SOX5: variants seen among roughly 807,000 people sequenced by gnomAD.
SOX5 encodes transcription factor SOX-5.
Under a neutral mutation model 92.0 loss-of-function variants are expected in SOX5, and 9 were observed. The ratio of observed to expected loss-of-function variants is 0.10; its 90% CI spans 0.06 to 0.17. The LOEUF (loss-of-function observed/expected upper bound fraction) is 0.17, where lower values mean the gene tolerates loss of function less well. Among genes scored for constraint, SOX5 ranks in the 10% least tolerant of loss-of-function variants. SOX5 has a pLI of 1.00. For synonymous variants in SOX5, 344 were observed against 336.3 expected, an observed-to-expected ratio of 1.02 and a Z score of -0.25; for missense variants, 642 against 944.5, an observed-to-expected ratio of 0.68 and a Z score of 4.20.
intron 4 of SOX5, among the ~76,000 whole-genome samples, chr12:24,191,030 A>C (rs765675780): frequency 1.3e-5 from 2 of 152,180 alleles, no homozygotes; most frequent in African/African-American, 2.4e-5. Context: ...GGGTCTTGCT[A>C]TATCACCATG....
chr12:24,006,807 T>C (rs1350260664), intron 4 of SOX5, among the ~76,000 whole-genome samples: 2 of 152,146 alleles, frequency 1.3e-5, no homozygotes, highest in South Asian at 2.1e-4. Flanking sequence ...CCTCCTCAAA[T>C]AGCCCCAAAT....
intron 2 of SOX5, among the ~76,000 whole-genome samples, chr12:23,855,105 T>A (rs965504257): frequency 6.6e-6 from 1 of 151,826 alleles, no homozygotes; most frequent in Admixed American, 6.6e-5. Context: ...AAAAACATAT[T>A]AGGAGGAGAA....
In SOX5 at chr12:24,353,789, C is replaced by T. The variant is rs368177591; in HGVS notation, c.-174+14774G>A. Among the ~76,000 whole-genome samples the T allele has an allele frequency of 6.3e-4, 96 of 151,956 alleles. No individual in the cohort carries two copies. In the East Asian group the frequency reaches 0.013, roughly 20 times the overall value. On this transcript the variant is annotated intron_variant, in intron 2 of 4. Transcript: ENST00000446891. ...CTGAATAGCTGGGATTACAGGCGCC[C>T]GCCACCACGCCCAGCTAATTTTTGT...
intron 2 of SOX5, among the ~76,000 whole-genome samples, chr12:23,895,555 AT>A: frequency 6.6e-6 from 1 of 152,264 alleles, no homozygotes; most frequent in African/African-American, 2.4e-5. Flanking sequence ...TTCCCCTCTA[AT>A]TAAATTGTAA....
At chr12:23,704,654 C>G (rs994440186) in intron 6 of SOX5, among the ~76,000 whole-genome samples, 50 of 136,630 alleles carry the variant, frequency 3.7e-4, no homozygotes, top group African/African-American at 1.3e-3. Flanking sequence ...ATTGATGACA[C>G]CAAGTATTTA....
intron 3 of SOX5, among the ~76,000 whole-genome samples, chr12:23,802,951 CCCAACATTCT>C (rs1232492565): frequency 6.6e-6 from 1 of 152,156 alleles, no homozygotes; most frequent in Non-Finnish European, 1.5e-5. Context: ...GCCCCTCTTC[CCCAACATTCT>C]CCAACATTCC....
chr12:24,040,875 G>A (rs1255149722), intron 4 of SOX5, among the ~76,000 whole-genome samples: 2 of 151,156 alleles, frequency 1.3e-5, no homozygotes, highest in Admixed American at 1.3e-4. Context: ...GCTGTCTCAA[G>A]GAAAAAACAA....
intron 3 of SOX5, among the ~76,000 whole-genome samples, chr12:24,239,286 C>CA (rs1565726326): frequency 6.6e-6 from 1 of 151,816 alleles, no homozygotes; most frequent in African/African-American, 2.4e-5. Flanking sequence ...CTCCCTGAAT[C>CA]AAAAAAAGAA....
At chr12:24,387,775 ATCT>A (rs1416095007) in intron 1 of SOX5, among the ~76,000 whole-genome samples, 1 of 152,240 alleles carries the variant, frequency 6.6e-6, no homozygotes, top group African/African-American at 2.4e-5. Flanking sequence ...CAAATCCTAC[ATCT>A]TCTTTGATGA....
chr12:23,738,849 T>C (rs1049660301), intron 5 of SOX5, among the ~76,000 whole-genome samples: 9 of 152,204 alleles, frequency 5.9e-5, no homozygotes, highest in Non-Finnish European at 1.2e-4. Flanking sequence ...TGTTTTATAC[T>C]GTTACAGGCA....
intron 3 of SOX5, among the ~76,000 whole-genome samples, chr12:24,245,766 A>G (rs1938576115): frequency 1.3e-5 from 2 of 152,220 alleles, no homozygotes. Context: ...AATAACATAA[A>G]AGAAAGAGAT....
intron 2 of SOX5, among the ~76,000 whole-genome samples, chr12:24,325,072 C>T (rs1029005251): frequency 2.4e-4 from 36 of 151,622 alleles, no homozygotes; most frequent in Non-Finnish European, 2.9e-5. Flanking sequence ...CCAGGTCTAG[C>T]ACAGACATAT....
At chr12:23,871,012 T>G (rs1228241045) in intron 2 of SOX5, among the ~76,000 whole-genome samples, 1 of 152,134 alleles carries the variant, frequency 6.6e-6, no homozygotes, top group Non-Finnish European at 1.5e-5. Context: ...AATACTTAAC[T>G]ATGAAGAATT....
rs117071713 is a variant in SOX5, at chr12:24,417,830, T to C, written c.-250-49191A>G. Among the ~76,000 whole-genome samples, 719 of 152,164 alleles carry C rather than the reference T, an allele frequency of 4.7e-3. 13 individuals are homozygous for C. Among genetic ancestry groups the C allele is most frequent in the East Asian group, 0.039 (203 of 5,178 alleles). ...ACACTCTCTGACCTGGAACACAGGGTATATGAGAAGAAGCCAGGGAAGAAC... is the reference window on the plus strand; with the variant it reads ...ACACTCTCTGACCTGGAACACAGGGCATATGAGAAGAAGCCAGGGAAGAAC... On this transcript the variant is annotated intron_variant, in intron 1 of 4. Transcript: ENST00000446891.
intron 4 of SOX5, among the ~76,000 whole-genome samples, chr12:24,043,851 C>A (rs1956752104): frequency 6.6e-6 from 1 of 152,082 alleles, no homozygotes; most frequent in Non-Finnish European, 1.5e-5. Flanking sequence ...TGGGCATTTT[C>A]CATTAGTAAT....
At chr12:24,257,234 C>T (rs558249758) in intron 3 of SOX5, among the ~76,000 whole-genome samples, 2 of 152,224 alleles carry the variant, frequency 1.3e-5, no homozygotes, top group South Asian at 4.1e-4. Context: ...ATTATCATTG[C>T]TAAATTTTTA....
intron 4 of SOX5, among the ~76,000 whole-genome samples, chr12:24,140,885 T>G (rs544121210): frequency 6.6e-6 from 1 of 152,076 alleles, no homozygotes; most frequent in Non-Finnish European, 1.5e-5. Flanking sequence ...TCAATTAAAT[T>G]TACAGAAAAA....
intron 4 of SOX5, among the ~76,000 whole-genome samples, chr12:23,743,790 T>C (rs1422534799): frequency 6.6e-6 from 1 of 152,188 alleles, no homozygotes; most frequent in Non-Finnish European, 1.5e-5. Flanking sequence ...GTGAATACTG[T>C]ATTTTGGATC....
intron 2 of SOX5, among the ~76,000 whole-genome samples, chr12:23,867,660 T>C (rs1043924343): frequency 6.6e-6 from 1 of 152,060 alleles, no homozygotes; most frequent in Non-Finnish European, 1.5e-5. Flanking sequence ...GAATTTGTAC[T>C]ACTGCCTGAC....
Sources: allele counts gnomAD v4.1 joint callset (sites outside exome capture counted in the v4.1 genomes callset), GRCh38; gene constraint gnomAD v4.1.1; transcripts MANE v1.5; gene names NCBI Gene and HGNC (gene_info 2026-07-23, HGNC 2026-07-21).